The following VPS13A variants were observed in gnomAD, a reference collection of about 807,000 sequenced individuals.
The protein encoded by VPS13A is vacuolar protein sorting 13 homolog A.
In VPS13A, 264 loss-of-function variants were observed where a neutral mutation model predicts 390.9. That is an observed-to-expected ratio of 0.68 (90% CI 0.61 to 0.75). The LOEUF (loss-of-function observed/expected upper bound fraction) is 0.75. VPS13A is among the 30% of genes least tolerant of loss of function. VPS13A has a pLI of 0.00. For synonymous variants in VPS13A, 1,231 were observed against 1,227.1 expected (o/e 1.00, Z -0.07); for missense variants, 3,409 against 3,733.9 (o/e 0.91, Z 2.27).
intron 1 of VPS13A, among the ~76,000 whole-genome samples, chr9:77,180,695 T>A (rs1823958504): frequency 6.6e-6 from 1 of 152,204 alleles, no homozygotes. Flanking sequence ...GAGGATCCTT[T>A]CTCTATTGAA....
rs149057520 is a variant in VPS13A at position 77,198,142 on chromosome 9, G to A, written c.101-1803G>A. Among the ~76,000 whole-genome samples the A allele has an allele frequency of 2.2e-3, 329 of 152,194 alleles. 4 individuals are homozygous for A. Among genetic ancestry groups the A allele is most frequent in the Non-Finnish European group, 3.5e-3 (237 of 68,012 alleles). ...TTAAAAGGTAACTGTAGAATGTACT[G>A]TATTTATTTATTTTTTTTTTCAAGT... On this transcript the variant is annotated intron_variant, in intron 1 of 71. Coordinates refer to ENST00000360280, the MANE Select transcript of VPS13A (RefSeq NM_033305.3).
chr9:77,391,074 A>G (rs780553707), intron 68 of VPS13A, among the ~76,000 whole-genome samples: 1 of 152,088 alleles, frequency 6.6e-6, no homozygotes, highest in Admixed American at 6.5e-5. Flanking sequence ...CAATACAGCT[A>G]AAAGTGCAGT....
At chr9:77,202,892 T>A (rs1173978284) in intron 3 of VPS13A, among the ~76,000 whole-genome samples, 1 of 152,308 alleles carries the variant, frequency 6.6e-6, no homozygotes, top group East Asian at 1.9e-4. Context: ...AAAATATCAC[T>A]GTTTTTTCCC....
At chr9:77,354,442 A>G (rs988874058) in intron 54 of VPS13A, among the ~76,000 whole-genome samples, 18 of 152,126 alleles carry the variant, frequency 1.2e-4, no homozygotes, top group African/African-American at 3.9e-4. Context: ...TAGATTTTTA[A>G]GACCTTTAGA....
At chr9:77,207,251 A>G (rs11145334) in intron 5 of VPS13A, among the ~76,000 whole-genome samples, 17 of 109,622 alleles carry the variant, frequency 1.6e-4, no homozygotes, top group African/African-American at 6.2e-4. Flanking sequence ...ATATATATAT[A>G]TAAAACGTGT....
intron 23 of VPS13A, among the ~76,000 whole-genome samples, chr9:77,272,268 T>C (rs1265958824): frequency 3.9e-5 from 6 of 152,222 alleles, no homozygotes; most frequent in Admixed American, 3.9e-4. Flanking sequence ...GAAACTGTGC[T>C]GCTGGTGTTA....
intron 70 of VPS13A, among the ~76,000 whole-genome samples, chr9:77,406,482 C>T (rs1268442809): frequency 6.6e-6 from 1 of 152,010 alleles, no homozygotes; most frequent in Non-Finnish European, 1.5e-5. Flanking sequence ...TGCAGTGGCG[C>T]TCTTGGATCA....
At chr9:77,178,083 G>T in intron 1 of VPS13A, 1 of 385,128 alleles carries the variant, frequency 2.6e-6, no homozygotes, top group Non-Finnish European at 4.9e-6. Context: ...GGGCTCCGTG[G>T]GTCTGGCGTT....
At chr9:77,205,491 AT>A (rs1324574838) in intron 4 of VPS13A, 83 bp downstream of exon 4, 22 of 637,252 alleles carry the variant, frequency 3.5e-5, no homozygotes, top group Admixed American at 8.1e-5. Context: ...TACTTTTGGA[AT>A]TTTTTTGAGA....
intron 19 of VPS13A, 51 bp downstream of exon 19, chr9:77,238,437 AC>A: frequency 7.7e-7 from 1 of 1,299,924 alleles, no homozygotes; most frequent in Non-Finnish European, 1.1e-6. Flanking sequence ...CCTATATTAA[AC>A]TTTTATTTAT....
intron 21 of VPS13A, among the ~76,000 whole-genome samples, chr9:77,251,747 G>A (rs979483444): frequency 6.6e-6 from 1 of 152,066 alleles, no homozygotes; most frequent in Non-Finnish European, 1.5e-5. Flanking sequence ...ACTCTGCAGT[G>A]ATTGTTGCCA....
At chr9:77,273,175 A>G (rs971042546) in intron 23 of VPS13A, 105 bp from the exon 24 acceptor site, 2 of 848,190 alleles carry the variant, frequency 2.4e-6, no homozygotes, top group African/African-American at 1.7e-5. Context: ...TTCAAATTGG[A>G]TAGCTTTTTG....
rs751020083 is a variant in VPS13A at position 77,220,042 on chromosome 9, T to G, written c.843T>G (p.Ile281Met). Residue 281 changes from isoleucine to methionine, a missense_variant, in exon 11 of 72, where the codon ATT becomes ATG. Physicochemically the swap from Ile to Met is conservative, Grantham distance 10. Transcript: ENST00000360280. ...DFSAPKINLE[I>M]ELHNIAIEFN... The stretch of plus-strand genomic sequence containing the variant: ...CTGCCCCCAAAATAAACTTGGAAAT[T>G]GAGTTACATAACATAGCAATTGAAT... The G allele has an allele frequency of 1.9e-6, 3 of 1,612,436 alleles. No homozygotes were observed. The highest frequency in any genetic ancestry group is 1.7e-6 in the Non-Finnish European group (2 of 1,178,642).
At chr9:77,315,828 T>A (rs1193385050) in intron 38 of VPS13A, among the ~76,000 whole-genome samples, 1 of 152,052 alleles carries the variant, frequency 6.6e-6, no homozygotes. Flanking sequence ...AAAGCACTCA[T>A]TTATTTTTGT....
chr9:77,378,252 T>G (rs1268503976), intron 67 of VPS13A, among the ~76,000 whole-genome samples: 1 of 152,134 alleles, frequency 6.6e-6, no homozygotes, highest in Non-Finnish European at 1.5e-5. Flanking sequence ...AAAAAAAATT[T>G]GGAGAATTGA....
intron 35 of VPS13A, 135 bp from the exon 36 acceptor site, chr9:77,313,857 T>A: frequency 1.0e-6 from 1 of 999,866 alleles, no homozygotes; most frequent in South Asian, 1.7e-5. Flanking sequence ...ACATCTGAAT[T>A]TTCTAATATT....
chr9:77,239,550 C>A (rs1824348416), intron 19 of VPS13A, among the ~76,000 whole-genome samples: 1 of 151,562 alleles, frequency 6.6e-6, no homozygotes, highest in South Asian at 2.1e-4. Flanking sequence ...GTATGAAGTA[C>A]AAAGTTTCTT....
At chr9:77,241,558 G>C (rs1824500044) in intron 19 of VPS13A, among the ~76,000 whole-genome samples, 2 of 150,080 alleles carry the variant, frequency 1.3e-5, no homozygotes, top group South Asian at 4.2e-4. Flanking sequence ...CCTATCTTCT[G>C]TCTTTTGTTT....
chr9:77,336,634 T>C (rs1830550228), intron 46 of VPS13A, among the ~76,000 whole-genome samples: 1 of 151,630 alleles, frequency 6.6e-6, no homozygotes, highest in Middle Eastern at 3.2e-3. Context: ...CAGATGATTC[T>C]ATGTGGTTTT....
Sources: allele counts gnomAD v4.1 joint callset (sites outside exome capture counted in the v4.1 genomes callset), GRCh38; gene constraint gnomAD v4.1.1; transcripts MANE v1.5; gene names NCBI Gene and HGNC (gene_info 2026-07-23, HGNC 2026-07-21).